Variants in NSMCE2 observed in about 807,000 individuals in gnomAD.
The protein encoded by NSMCE2 is NSE2 SUMO ligase component of SMC5/6 complex.
In NSMCE2, 24 loss-of-function variants were observed where a neutral mutation model predicts 23.8. That is an observed-to-expected ratio of 1.01 (90% CI 0.73 to 1.42). NSMCE2 has a LOEUF of 1.42. Among genes scored for constraint, NSMCE2 ranks in the 40% most tolerant of loss-of-function variants. The pLI is 0.00. For missense variants in NSMCE2, 284 were observed against 296.5 expected (o/e 0.96, Z 0.31); for synonymous variants, 92 against 94.1 (o/e 0.98, Z 0.13).
At chr8:125,333,502 G>GTTTTTTTTT (rs1308950464) in intron 5 of NSMCE2, among the ~76,000 whole-genome samples, 7 of 65,828 alleles carry the variant, frequency 1.1e-4, no homozygotes, top group Non-Finnish European at 1.8e-4. Context: ...TTTCCTGGTG[G>GTTTTTTTTT]TTCTTTTTTT....
At chr8:125,280,506 C>G (rs1287194248) in intron 5 of NSMCE2, among the ~76,000 whole-genome samples, 2 of 152,212 alleles carry the variant, frequency 1.3e-5, no homozygotes, top group African/African-American at 2.4e-5. Context: ...TGAGTTGACT[C>G]TGGACTTTCT....
At chr8:125,363,616 G>A in intron 7 of NSMCE2, among the ~76,000 whole-genome samples, 1 of 128,970 alleles carries the variant, frequency 7.8e-6, no homozygotes, top group Non-Finnish European at 1.6e-5. Context: ...GGAGGGGGAG[G>A]GAAGGAAAGA....
intron 4 of NSMCE2, among the ~76,000 whole-genome samples, chr8:125,168,054 T>C (rs1170005881): frequency 1.3e-5 from 2 of 152,224 alleles, no homozygotes. Context: ...TGGCTTATCA[T>C]TTCAAAACCT....
intron 5 of NSMCE2, among the ~76,000 whole-genome samples, chr8:125,192,024 A>G (rs1336852668): frequency 6.6e-6 from 1 of 152,202 alleles, no homozygotes; most frequent in Admixed American, 6.5e-5. Context: ...TCAGTTATCA[A>G]GGGACAAATG....
At chr8:125,174,379 A>G (rs1183296097) in intron 4 of NSMCE2, among the ~76,000 whole-genome samples, 1 of 152,242 alleles carries the variant, frequency 6.6e-6, no homozygotes, top group Non-Finnish European at 1.5e-5. Flanking sequence ...CCAAAACAAC[A>G]CAAAAAGCCA....
At chr8:125,240,842 AGGTATAT>A (rs1825740044) in intron 5 of NSMCE2, among the ~76,000 whole-genome samples, 3 of 152,168 alleles carry the variant, frequency 2.0e-5, no homozygotes, top group Non-Finnish European at 4.4e-5. Context: ...CTCAAAAAAA[AGGTATAT>A]AAACACAAAA....
intron 5 of NSMCE2, among the ~76,000 whole-genome samples, chr8:125,242,065 CTG>C (rs1338830565): frequency 6.6e-6 from 1 of 152,066 alleles, no homozygotes; most frequent in Non-Finnish European, 1.5e-5. Context: ...TTGAGAATCA[CTG>C]TGTCTAATGG....
intron 3 of NSMCE2, among the ~76,000 whole-genome samples, chr8:125,137,064 A>G (rs963180803): frequency 1.3e-5 from 2 of 151,626 alleles, no homozygotes; most frequent in African/African-American, 4.9e-5. Context: ...TTGATTTGCT[A>G]TTATTTTCAT....
intron 5 of NSMCE2, among the ~76,000 whole-genome samples, chr8:125,324,722 C>T (rs1829592217): frequency 9.5e-6 from 1 of 105,336 alleles, no homozygotes; most frequent in South Asian, 3.1e-4. Flanking sequence ...CTACAGGCGC[C>T]CGCCACTACG....
Position 125,151,209 on chromosome 8 carries a change from G to C in NSMCE2, c.196G>C (p.Val66Leu), listed in dbSNP as rs746849544. Residue 66 changes from valine (V) to leucine (L), a missense_variant, in exon 4 of 8, where the codon GTT becomes CTT. Around this residue, in one of 2 missense-constraint regions of NSMCE2, gnomAD observed 182 missense variants for 155.5 expected, o/e 1.17. Transcript: ENST00000287437. Reference protein sequence around the residue: ...SSEYSMDKAMVEFATLDRQLN... With the variant: ...SSEYSMDKAMLEFATLDRQLN... The stretch of plus-strand genomic sequence containing the variant: ...TGAATATAGTATGGACAAGGCAATG[G>C]TTGAATTTGCTACATTGGATCGGCA... The C allele has an allele frequency of 3.1e-6, 5 of 1,609,304 alleles. No homozygotes were observed. In the African/African-American group the frequency reaches 6.7e-5, roughly 22 times the overall value.
At chr8:125,365,996 G>C (rs546126749) in intron 7 of NSMCE2, among the ~76,000 whole-genome samples, 1 of 152,138 alleles carries the variant, frequency 6.6e-6, no homozygotes, top group Non-Finnish European at 1.5e-5. Flanking sequence ...AAGCTGGAAC[G>C]TCCTCAGCAC....
intron 3 of NSMCE2, among the ~76,000 whole-genome samples, chr8:125,110,303 G>A (rs1008308788): frequency 6.6e-6 from 1 of 152,212 alleles, no homozygotes; most frequent in Non-Finnish European, 1.5e-5. Context: ...GCAACATTTA[G>A]AAGTAAAGGA....
rs572995859 is a variant in NSMCE2 at position 125,297,071 on chromosome 8, T to C, written c.419-60148T>C. 1.4e-4 allele frequency among the ~76,000 whole-genome samples: 22 copies of C among 152,356 alleles called. No individual in the cohort carries two copies. In the South Asian group the frequency reaches 4.3e-3, roughly 30 times the overall value. On this transcript the variant is annotated intron_variant, in intron 5 of 7. Coordinates refer to ENST00000287437, the MANE Select transcript of NSMCE2 (RefSeq NM_173685.4). ...AATTAAATTGTTACAATCACTTCAC[T>C]GGGCCATTTTACTGTGAGATATCCT...
At chr8:125,102,933 G>A (rs185276487) in intron 3 of NSMCE2, among the ~76,000 whole-genome samples, 1 of 152,250 alleles carries the variant, frequency 6.6e-6, no homozygotes, top group East Asian at 1.9e-4. Flanking sequence ...CAACTTTAAT[G>A]AATTTTACCT....
intron 5 of NSMCE2, among the ~76,000 whole-genome samples, chr8:125,323,760 G>A (rs1027461040): frequency 6.6e-6 from 1 of 152,124 alleles, no homozygotes; most frequent in African/African-American, 2.4e-5. Context: ...CTGTGACCTT[G>A]GTTTAGGCAA....
chr8:125,362,847 C>T (rs902409858), intron 7 of NSMCE2, among the ~76,000 whole-genome samples: 3 of 152,138 alleles, frequency 2.0e-5, no homozygotes, highest in Non-Finnish European at 2.9e-5. Flanking sequence ...TGAAGGTGGG[C>T]GCCTGCTCTG....
chr8:125,333,219 A>C (rs1266182044), intron 5 of NSMCE2, among the ~76,000 whole-genome samples: 1 of 150,648 alleles, frequency 6.6e-6, no homozygotes, highest in South Asian at 2.1e-4. Context: ...GCCAAGGCTG[A>C]AATACAGTGG....
At chr8:125,287,316 A>G (rs551885435) in intron 5 of NSMCE2, among the ~76,000 whole-genome samples, 1 of 152,316 alleles carries the variant, frequency 6.6e-6, no homozygotes, top group East Asian at 1.9e-4. Context: ...TGGGTGACAG[A>G]GTGAAACTCT....
rs548759567 is a variant in NSMCE2 at position 125,186,455 on chromosome 8, C to T, written c.418+4199C>T. 6.6e-5 allele frequency among the ~76,000 whole-genome samples: 10 copies of T among 152,186 alleles called. No homozygotes were observed. In the South Asian group the frequency reaches 1.9e-3, roughly 28 times the overall value. On this transcript the variant is annotated intron_variant, in intron 5 of 7. Coordinates refer to ENST00000287437, the MANE Select transcript of NSMCE2 (RefSeq NM_173685.4). ...CCATTTGTCTCAAGTACATTCAGAA[C>T]ACTTTGAGGATTCACTGTGTATGAA... is the stretch of plus-strand genomic sequence containing the variant.
Sources: gnomAD v4.1 joint callset for allele counts (sites outside exome capture counted in the v4.1 genomes callset) on GRCh38, gnomAD v4.1.1 for gene constraint, gnomAD v4.1.1 regional missense constraint, MANE v1.5 for transcripts, NCBI Gene and HGNC (gene_info 2026-07-23, HGNC 2026-07-21) for gene names.